AUTS2: variants seen among roughly 807,000 people sequenced by gnomAD.
The protein encoded by AUTS2 is autism susceptibility gene 2 protein.
A neutral mutation model predicts 112.4 loss-of-function variants in AUTS2; 17 were observed. That is an observed-to-expected ratio of 0.15 (90% CI 0.10 to 0.23). The LOEUF is 0.23. AUTS2 is among the 10% of genes least tolerant of loss of function. The pLI is 1.00. For synonymous variants in AUTS2, 751 were observed against 702.7 expected (o/e 1.07, Z -1.09); for missense variants, 1,510 against 1,701.6 (o/e 0.89, Z 1.98).
intron 2 of AUTS2, among the ~76,000 whole-genome samples, chr7:70,095,609 G>T (rs1193386547): frequency 6.6e-6 from 1 of 152,140 alleles, no homozygotes; most frequent in Non-Finnish European, 1.5e-5. Context: ...AAAATAAAAA[G>T]ATACATAGTC....
chr7:69,615,857 A>G (rs1048011064), intron 1 of AUTS2, among the ~76,000 whole-genome samples: 1 of 152,224 alleles, frequency 6.6e-6, no homozygotes, highest in African/African-American at 2.4e-5. Flanking sequence ...GCATGCTGAC[A>G]GCAATAGCAT....
chr7:70,068,701 G>A lies in AUTS2; in HGVS notation c.523-49431G>A, dbSNP rs577296548. ...GTGAATGTAGCTTAAGAAAAGAAAA[G>A]CAATCAAACAACAAGGTGATTAATG... On this transcript the variant is annotated intron_variant, in intron 2 of 18. Transcript: ENST00000342771. Among the ~76,000 whole-genome samples the A allele has an allele frequency of 1.8e-4, 28 of 152,272 alleles. No individual in the cohort carries two copies. In the South Asian group the frequency reaches 5.6e-3, roughly 30 times the overall value.
intron 6 of AUTS2, among the ~76,000 whole-genome samples, chr7:70,730,498 T>C (rs542443135): frequency 4.2e-4 from 64 of 152,200 alleles, no homozygotes; most frequent in Non-Finnish European, 8.1e-4. Flanking sequence ...TTCATATACA[T>C]GGTGTCATAC....
chr7:70,247,806 T>C (rs1373200342), intron 4 of AUTS2, among the ~76,000 whole-genome samples: 9 of 152,190 alleles, frequency 5.9e-5, no homozygotes, highest in Admixed American at 5.9e-4. Flanking sequence ...AATAGCAGGA[T>C]TTCTTGCCTT....
intron 4 of AUTS2, among the ~76,000 whole-genome samples, chr7:70,146,255 T>A (rs957608254): frequency 1.3e-5 from 2 of 152,022 alleles, no homozygotes; most frequent in African/African-American, 4.8e-5. Flanking sequence ...ATTTTAGTAC[T>A]TTTAGTGGGG....
intron 1 of AUTS2, among the ~76,000 whole-genome samples, chr7:69,860,285 C>T (rs1161447738): frequency 6.6e-6 from 1 of 151,906 alleles, no homozygotes; most frequent in Non-Finnish European, 1.5e-5. Context: ...GAGGTTCTTT[C>T]TCTACACCAT....
At chr7:69,600,179 C>T (rs1771505473) in intron 1 of AUTS2, among the ~76,000 whole-genome samples, 1 of 151,994 alleles carries the variant, frequency 6.6e-6, no homozygotes, top group African/African-American at 2.4e-5. Context: ...GTCTCGTTTC[C>T]TCGCTCGCCT....
At chr7:69,852,846 T>G (rs1179306251) in intron 1 of AUTS2, among the ~76,000 whole-genome samples, 1 of 152,220 alleles carries the variant, frequency 6.6e-6, no homozygotes, top group Non-Finnish European at 1.5e-5. Flanking sequence ...TCATTTTCAT[T>G]CAGTTCAGGT....
intron 4 of AUTS2, chr7:70,290,320 A>G (rs972264214): frequency 1.4e-5 from 21 of 1,448,616 alleles, no homozygotes; most frequent in African/African-American, 2.9e-5. Flanking sequence ...ATCAGAGGGC[A>G]TTTAACATTC....
chr7:70,058,850 T>C (rs952224604), intron 2 of AUTS2, among the ~76,000 whole-genome samples: 1 of 152,082 alleles, frequency 6.6e-6, no homozygotes. Context: ...CACACACACA[T>C]ACACTTCATT....
rs184269737 is a variant in AUTS2, at chr7:70,704,256, C to T, written c.742+5636C>T. ...GGATCCCATCACTGGAATTGTGAAC[C>T]GGGTGGAAGATTCCAGGCATTCGAA... On this transcript the variant is annotated intron_variant, in intron 6 of 18. Transcript: ENST00000342771. 2.0e-5 allele frequency among the ~76,000 whole-genome samples: 3 copies of T among 152,276 alleles called. No individual in the cohort carries two copies. The East Asian group carries it at 5.8e-4, about 29-fold the overall frequency.
chr7:70,332,921 A>T lies in AUTS2; in HGVS notation c.661-102831A>T, dbSNP rs1368269567. 1.3e-5 allele frequency among the ~76,000 whole-genome samples: 2 copies of T among 152,230 alleles called. 1 individual carries two copies. Among genetic ancestry groups the T allele is most frequent in the Non-Finnish European group, 2.9e-5 (2 of 68,038 alleles). Reference sequence around the variant, plus strand: ...AGACATGGGCAAAGACTTCATGACTAAAACACCAAAAGCAATGGCAACAAA... The same window carrying T: ...AGACATGGGCAAAGACTTCATGACTTAAACACCAAAAGCAATGGCAACAAA... On this transcript the variant is annotated intron_variant, in intron 4 of 18. Transcript: ENST00000342771.
chr7:70,227,953 A>C (rs1811851881), intron 4 of AUTS2, among the ~76,000 whole-genome samples: 1 of 152,026 alleles, frequency 6.6e-6, no homozygotes, highest in Non-Finnish European at 1.5e-5. Context: ...AGTGTTGGTC[A>C]AGTCTACTAT....
At chr7:70,416,189 A>G (rs557781873) in intron 4 of AUTS2, among the ~76,000 whole-genome samples, 3 of 152,242 alleles carry the variant, frequency 2.0e-5, no homozygotes, top group African/African-American at 7.2e-5. Flanking sequence ...ACAAAGGAAG[A>G]TATGTGCAAT....
chr7:70,684,555 G>A (rs1355866721), intron 5 of AUTS2, among the ~76,000 whole-genome samples: 1 of 147,670 alleles, frequency 6.8e-6, no homozygotes, highest in African/African-American at 2.6e-5. Flanking sequence ...GTGGCGTGGC[G>A]TGGCGTGTTG....
At chr7:69,709,030 G>GTAC (rs1303946631) in intron 1 of AUTS2, among the ~76,000 whole-genome samples, 1 of 152,164 alleles carries the variant, frequency 6.6e-6, no homozygotes, top group Middle Eastern at 3.2e-3. Flanking sequence ...GGGTGCTTGT[G>GTAC]TACTAAGTAC....
chr7:70,400,802 T>G (rs907248231), intron 4 of AUTS2, among the ~76,000 whole-genome samples: 1 of 152,170 alleles, frequency 6.6e-6, no homozygotes, highest in Non-Finnish European at 1.5e-5. Flanking sequence ...ACATATACCT[T>G]GGGCCCCACC....
At chr7:70,307,442 G>A (rs1264951478) in intron 4 of AUTS2, among the ~76,000 whole-genome samples, 1 of 152,162 alleles carries the variant, frequency 6.6e-6, no homozygotes, top group East Asian at 1.9e-4. Flanking sequence ...ACGTGTTCTT[G>A]TCCTCACGAA....
Position 70,791,002 on chromosome 7 carries a change from G to A in AUTS2, c.*6G>A, listed in dbSNP as rs753900305. 2.7e-6 allele frequency: 4 copies of A among 1,488,850 alleles called. No homozygotes were observed. In the African/African-American group the frequency reaches 5.6e-5, roughly 21 times the overall value. 92.2% of individuals were successfully genotyped at this position (1,488,850 alleles called of 1,614,324 possible). On this transcript the variant is annotated 3_prime_UTR_variant, in exon 19 of 19. Transcript: ENST00000342771. ...AGGATATCGAGGCCCGATAAGCCGAGAACAGGAGCAAGAACGAGGAAGAAG... is the reference window on the plus strand; with the variant it reads ...AGGATATCGAGGCCCGATAAGCCGAAAACAGGAGCAAGAACGAGGAAGAAG...
Sources: allele counts gnomAD v4.1 joint callset (sites outside exome capture counted in the v4.1 genomes callset), GRCh38; gene constraint gnomAD v4.1.1; transcripts MANE v1.5; gene names NCBI Gene and HGNC (gene_info 2026-07-23, HGNC 2026-07-21).